PLXNA3: variants seen among roughly 807,000 people sequenced by gnomAD.
PLXNA3 encodes the protein plexin-A3.
Under a neutral mutation model 118.8 loss-of-function variants are expected in PLXNA3, and 52 were observed. The observed-to-expected ratio is 0.44, with a 90% CI of 0.35 to 0.55. The LOEUF (loss-of-function observed/expected upper bound fraction) is 0.55. PLXNA3 is among the 20% of genes least tolerant of loss of function. The pLI, the probability that PLXNA3 is intolerant of heterozygous loss-of-function variation, is 0.01. For missense variants in PLXNA3, 1,660 were observed against 1,730.8 expected (o/e 0.96, Z 0.73); for synonymous variants, 925 against 762.4 (o/e 1.21, Z -3.51).
At position 154,474,776 on chromosome X, in the gene PLXNA3, CTTTTTTTTTTTTTTTTTT is replaced by C. The variant is rs782102676; in HGVS notation, c.*2104_*2121del. Reference sequence around the variant, plus strand: ...ACAGGCGTGAGCCACCATGCCTGACCTTTTTTTTTTTTTTTTTTTTTTTTTTTTTTGGAGACGGGATCT... The same window carrying C: ...ACAGGCGTGAGCCACCATGCCTGACCTTTTTTTTTTTTGGAGACGGGATCT... On this transcript the variant is annotated 3_prime_UTR_variant, in exon 33 of 33. Coordinates refer to ENST00000369682, the MANE Select transcript of PLXNA3 (RefSeq NM_017514.5). 7.5e-5 allele frequency: 2 copies of C among 26,791 alleles called. No individual in the cohort carries two copies. Among genetic ancestry groups the C allele is most frequent in the African/African-American group, 1.2e-4 (1 of 8,546 alleles). The allele number at this position is 26,791 out of a possible 1,213,427, so 2.2% of individuals were successfully genotyped here. A position where few individuals can be genotyped will look rare whatever the true frequency, so the allele number is the denominator to read the frequency against.
chrX:154,465,314 G>A (rs1304770393), intron 11 of PLXNA3, 96 bp downstream of exon 11: 21 of 1,041,890 alleles, frequency 2.0e-5, no homozygotes, highest in Non-Finnish European at 2.4e-5. Context: ...GGAACTGTCT[G>A]AGTCTCCTGC....
rs782646753 is a variant in PLXNA3, at chrX:154,463,709, G to A, written c.1547+19G>A. Reference sequence around the variant, plus strand: ...GACACAGGTGAGGGCGGGGACCCCTGCTCGGGGAGTTGGAGGGCCCCACTG... The same window carrying A: ...GACACAGGTGAGGGCGGGGACCCCTACTCGGGGAGTTGGAGGGCCCCACTG... On this transcript the variant is annotated intron_variant, in intron 6 of 32. Coordinates refer to ENST00000369682, the MANE Select transcript of PLXNA3 (RefSeq NM_017514.5). The A allele has an allele frequency of 1.7e-6, 2 of 1,152,364 alleles. No homozygotes were observed. Among genetic ancestry groups the A allele is most frequent in the Admixed American group, 2.3e-5 (1 of 42,742 alleles). The allele number at this position is 1,152,364 out of a possible 1,213,427, so 95.0% of individuals were successfully genotyped here.
In PLXNA3 at chrX:154,464,230, A is replaced by G; in HGVS notation, c.1745A>G (p.Asn582Ser). The G allele has an allele frequency of 1.7e-6, 2 of 1,208,134 alleles. No individual in the cohort carries two copies. The highest frequency in any genetic ancestry group is 2.2e-6 in the Non-Finnish European group (2 of 894,538). Residue 582 changes from asparagine to serine, a missense_variant, in exon 8 of 33, where the codon AAC becomes AGC. Physicochemically the swap from Asn to Ser is conservative, Grantham distance 46. Around this residue, in one of 2 missense-constraint regions of PLXNA3, gnomAD observed 791 missense variants for 652.1 expected, o/e 1.21. Coordinates refer to ENST00000369682, the MANE Select transcript of PLXNA3 (RefSeq NM_017514.5). ...VSCAFEAAAE[N>S]EAVLLPSGEL... Reference sequence around the variant, plus strand: ...TGCGCCTTCGAGGCGGCGGCGGAGAACGAGGCGGTCCTGCTGCCCTCCGGT... The same window carrying G: ...TGCGCCTTCGAGGCGGCGGCGGAGAGCGAGGCGGTCCTGCTGCCCTCCGGT...
At position 154,464,180 on chromosome X, in the gene PLXNA3, G is replaced by A. The variant is rs146025967; in HGVS notation, c.1695G>A (p.Val565=). The A allele has an allele frequency of 3.5e-4, 427 of 1,208,897 alleles. No individual in the cohort carries two copies. Among genetic ancestry groups the A allele is most frequent in the Non-Finnish European group, 4.5e-4 (401 of 894,582 alleles). ...GVQLTVTLHN[V]PDLSAGVSCA... ...AGCTGACCGTCACCCTGCACAACGT[G>A]CCAGACCTCAGTGCGGGCGTGAGCT... is the stretch of plus-strand genomic sequence containing the variant. The change falls in exon 8 of 33, where the codon GTG becomes GTA. Residue 565 remains valine, a synonymous_variant. Coordinates refer to ENST00000369682, the MANE Select transcript of PLXNA3 (RefSeq NM_017514.5).
At position 154,461,609 on chromosome X, in the gene PLXNA3, C is replaced by T; in HGVS notation, c.1105C>T (p.Leu369=). The T allele has an allele frequency of 8.3e-7, 1 of 1,199,640 alleles. No individual in the cohort carries two copies. Among genetic ancestry groups the T allele is most frequent in the Non-Finnish European group, 1.1e-6 (1 of 893,015 alleles). ...GEGTLALPWL[L]NKELPCINTP... is the part of the protein sequence containing the mutation. ...GGGCACTCTGGCTCTGCCCTGGCTG[C>T]TGAACAAGGAGCTGCCCTGCATCAA... Residue 369 remains leucine, a synonymous_variant, in exon 3 of 33, where the codon CTG becomes TTG. Coordinates refer to ENST00000369682, the MANE Select transcript of PLXNA3 (RefSeq NM_017514.5).
Position 154,472,698 on chromosome X carries a change from G to C in PLXNA3, c.*13G>C, listed in dbSNP as rs200618877. The C allele has an allele frequency of 3.6e-6, 4 of 1,114,999 alleles. No individual in the cohort carries two copies. The highest frequency in any genetic ancestry group is 3.7e-6 in the Non-Finnish European group (3 of 807,416). 91.9% of individuals were successfully genotyped at this position (1,114,999 alleles called of 1,213,427 possible). On this transcript the variant is annotated 3_prime_UTR_variant, in exon 33 of 33. Coordinates refer to ENST00000369682, the MANE Select transcript of PLXNA3 (RefSeq NM_017514.5). ...CAGCGACAGCTAAGGTGGTGGAATC[G>C]GTGAGGAGGGGGCTTCTCAGTCCTG... is the stretch of plus-strand genomic sequence containing the variant.
chrX:154,469,143 G>A lies in PLXNA3; in HGVS notation c.4522G>A (p.Asp1508Asn), dbSNP rs1473011893. 1.7e-6 allele frequency: 2 copies of A among 1,210,172 alleles called. No homozygotes were observed. The highest frequency in any genetic ancestry group is 3.5e-5 in the African/African-American group (2 of 57,533). ...LNCDSITQAKDKLLDTVYKGI... is the reference protein window; with the variant it reads ...LNCDSITQAKNKLLDTVYKGI... ...CTGTGACAGCATCACCCAGGCCAAA[G>A]ATAAGCTGCTGGACACTGTGTACAA... The change falls in exon 26 of 33, where the codon GAT becomes AAT. Residue 1508 changes from aspartate to asparagine, a missense_variant. By Grantham distance (23) the Asp-to-Asn change is conservative. Around this residue, in one of 2 missense-constraint regions of PLXNA3, gnomAD observed 869 missense variants for 1,078.7 expected, o/e 0.81. Transcript: ENST00000369682.
chrX:154,469,730 T>C lies in PLXNA3; in HGVS notation c.4741T>C (p.Ser1581Pro), dbSNP rs782377471. 2.7e-5 allele frequency: 33 copies of C among 1,210,224 alleles called. No homozygotes were observed. Among genetic ancestry groups the C allele is most frequent in the South Asian group, 5.3e-5 (3 of 56,912 alleles). Residue 1581 changes from serine to proline, a missense_variant, in exon 28 of 33, where the codon TCT (serine) becomes CCT (proline). By Grantham distance (74) the Ser-to-Pro change is moderately conservative (BLOSUM62 -1). Coordinates refer to ENST00000369682, the MANE Select transcript of PLXNA3 (RefSeq NM_017514.5). ...SLVALVPKQVSAYNMANSFTF... is the reference protein window; with the variant it reads ...SLVALVPKQVPAYNMANSFTF... The stretch of plus-strand genomic sequence containing the variant: ...GGTGGCATTGGTGCCCAAACAAGTG[T>C]CTGCCTATAACATGGCCAACTCCTT...
rs2069162917 is a variant in PLXNA3, at chrX:154,470,161, C to T, written c.4980C>T (p.Ala1660=). 2.5e-6 allele frequency: 3 copies of T among 1,208,447 alleles called. No individual in the cohort carries two copies. Among genetic ancestry groups the T allele is most frequent in the Non-Finnish European group, 2.2e-6 (2 of 894,124 alleles). Residue 1660 remains alanine, a synonymous_variant, in exon 29 of 33, where the codon GCC becomes GCT. Transcript: ENST00000369682. ...VSEIYLTRLL[A]TKGTLQKFVD... Reference sequence around the variant, plus strand: ...AGATCTACCTGACACGGCTGCTGGCCACCAAGGTATGGGCCTGCCTCTCGC... The same window carrying T: ...AGATCTACCTGACACGGCTGCTGGCTACCAAGGTATGGGCCTGCCTCTCGC...
chrX:154,463,571 C>G lies in PLXNA3; in HGVS notation c.1447-19C>G, dbSNP rs1288863158. On this transcript the variant is annotated intron_variant, in intron 5 of 32. Coordinates refer to ENST00000369682, the MANE Select transcript of PLXNA3 (RefSeq NM_017514.5). ...TGGTGGGGCGGGGGTGGGCTGGGTG[C>G]TGATGTGGCTGTCCCCAGGTGAGCC... 4.2e-6 allele frequency: 5 copies of G among 1,177,646 alleles called. No homozygotes were observed. The African/African-American group carries it at 8.9e-5, about 21-fold the overall frequency.
chrX:154,465,792 A>G lies in PLXNA3; in HGVS notation c.2477A>G (p.Asn826Ser), dbSNP rs929475680. Reference sequence around the variant, plus strand: ...ACCCACTGCCCGGCCCCGAAGACCAACTGGATGCACCTGAGCCAGAAGGGC... The same window carrying G: ...ACCCACTGCCCGGCCCCGAAGACCAGCTGGATGCACCTGAGCCAGAAGGGC... ...LRTHCPAPKTNWMHLSQKGTR... is the reference protein window; with the variant it reads ...LRTHCPAPKTSWMHLSQKGTR... Residue 826 changes from asparagine to serine, a missense_variant, in exon 13 of 33, where the codon AAC becomes AGC. By Grantham distance (46) the Asn-to-Ser change is conservative. Around this residue, in one of 2 missense-constraint regions of PLXNA3, gnomAD observed 869 missense variants for 1,078.7 expected, o/e 0.81. Coordinates refer to ENST00000369682, the MANE Select transcript of PLXNA3 (RefSeq NM_017514.5). 1.1e-5 allele frequency: 13 copies of G among 1,207,250 alleles called. No individual in the cohort carries two copies. The highest frequency in any genetic ancestry group is 1.3e-5 in the Non-Finnish European group (12 of 893,923).
chrX:154,467,158 C>T lies in PLXNA3; in HGVS notation c.3201+8C>T, dbSNP rs782748486. ...GGCATTGAGACCACCAATGTGAGTA[C>T]CAGCTGCCCCGCCCCACCCCGACCC... is the stretch of plus-strand genomic sequence containing the variant. On this transcript the variant is annotated splice_region_variant and intron_variant, in intron 18 of 32. Transcript: ENST00000369682. 8.3e-7 allele frequency: 1 copy of T among 1,208,437 alleles called. No homozygotes were observed. The highest frequency in any genetic ancestry group is 1.1e-6 in the Non-Finnish European group (1 of 893,167).
chrX:154,467,307 G>T lies in PLXNA3; in HGVS notation c.3277G>T (p.Ala1093Ser). 1 of 1,208,023 alleles carries T rather than the reference G, an allele frequency of 8.3e-7. No homozygotes were observed. Among genetic ancestry groups the T allele is most frequent in the Non-Finnish European group, 1.1e-6 (1 of 895,467 alleles). The change falls in exon 19 of 33, where the codon GCG becomes TCG. Residue 1093 changes from alanine (A) to serine (S), a missense_variant. Around this residue, in one of 2 missense-constraint regions of PLXNA3, gnomAD observed 869 missense variants for 1,078.7 expected, o/e 0.81. Transcript: ENST00000369682. ...CTTTCTTGGGCGGCCCCAGCCTCGG[G>T]CGCAAGGCGAGCACCCTGATGAGTT... ...GIFLGRPQPR[A>S]QGEHPDEFGF... is the part of the protein sequence containing the mutation.
At position 154,460,580 on chromosome X, in the gene PLXNA3, G is replaced by A. The variant is rs1569554045; in HGVS notation, c.397G>A (p.Glu133Lys). 8.3e-7 allele frequency: 1 copy of A among 1,206,062 alleles called. No individual in the cohort carries two copies. The highest frequency in any genetic ancestry group is 1.7e-5 in the African/African-American group (1 of 57,879). The change falls in exon 2 of 33, where the codon GAG becomes AAG. Residue 133 changes from glutamate (E) to lysine (K), a missense_variant. Coordinates refer to ENST00000369682, the MANE Select transcript of PLXNA3 (RefSeq NM_017514.5). ...LRLDDLFKLG[E>K]PHHRKEHYLS... is the part of the protein sequence containing the mutation. The stretch of plus-strand genomic sequence containing the variant: ...TCTGGACGACCTCTTCAAGCTGGGT[G>A]AGCCGCACCACCGCAAGGAGCACTA...
rs371862659 is a variant in PLXNA3, at chrX:154,472,697, C to T, written c.*12C>T. On this transcript the variant is annotated 3_prime_UTR_variant, in exon 33 of 33. Transcript: ENST00000369682. ...CCAGCGACAGCTAAGGTGGTGGAAT[C>T]GGTGAGGAGGGGGCTTCTCAGTCCT... 42 of 1,132,425 alleles carry T rather than the reference C, an allele frequency of 3.7e-5. No individual in the cohort carries two copies. The highest frequency in any genetic ancestry group is 1.5e-4 in the Admixed American group (7 of 45,797). 93.3% of individuals were successfully genotyped at this position (1,132,425 alleles called of 1,213,427 possible). A position where few individuals can be genotyped will look rare whatever the true frequency, so the allele number is the denominator to read the frequency against.
At position 154,463,378 on chromosome X, in the gene PLXNA3, T is replaced by C; in HGVS notation, c.1318-13T>C. ...GGAGGCTGTGGTGGCATCAGGCTGG[T>C]CTTGTGGCTCAGGTGCGGGTCGATG... On this transcript the variant is annotated splice_polypyrimidine_tract_variant and intron_variant, in intron 4 of 32. Coordinates refer to ENST00000369682, the MANE Select transcript of PLXNA3 (RefSeq NM_017514.5). 1 of 1,209,929 alleles carries C rather than the reference T, an allele frequency of 8.3e-7. No homozygotes were observed. The highest frequency in any genetic ancestry group is 1.1e-6 in the Non-Finnish European group (1 of 894,976).
intron 4 of PLXNA3, among the ~76,000 whole-genome samples, chrX:154,462,649 G>C (rs911753639): frequency 8.9e-6 from 1 of 111,915 alleles, no homozygotes; most frequent in Non-Finnish European, 1.9e-5. Context: ...ATGAACAAGG[G>C]AGCAAATGCC....
chrX:154,463,558 G>T lies in PLXNA3; in HGVS notation c.1447-32G>T, dbSNP rs1557205609. 4 of 1,162,408 alleles carry T rather than the reference G, an allele frequency of 3.4e-6. No individual in the cohort carries two copies. In the East Asian group the frequency reaches 1.2e-4, roughly 36 times the overall value. ...GGGTGGCGGTGGGTGGTGGGGCGGG[G>T]GTGGGCTGGGTGCTGATGTGGCTGT... On this transcript the variant is annotated intron_variant, in intron 5 of 32. Coordinates refer to ENST00000369682, the MANE Select transcript of PLXNA3 (RefSeq NM_017514.5).
In PLXNA3 at chrX:154,460,144, C is replaced by G. The variant is rs781795046; in HGVS notation, c.-27-13C>G. 2.1e-6 allele frequency: 2 copies of G among 971,673 alleles called. No homozygotes were observed. The highest frequency in any genetic ancestry group is 2.9e-6 in the Non-Finnish European group (2 of 691,974). The allele number at this position is 971,673 out of a possible 1,213,427, so 80.1% of individuals were successfully genotyped here. A position where few individuals can be genotyped will look rare whatever the true frequency, so the allele number is the denominator to read the frequency against. On this transcript the variant is annotated splice_polypyrimidine_tract_variant and intron_variant, in intron 1 of 32. Transcript: ENST00000369682. ...CTCGAGGCCTCTGACTCCCACACACCGTCTCTCCCTAGGCCTGTCCCCAGG... is the reference window on the plus strand; with the variant it reads ...CTCGAGGCCTCTGACTCCCACACACGGTCTCTCCCTAGGCCTGTCCCCAGG...
Sources: gnomAD v4.1 joint callset for allele counts (sites outside exome capture counted in the v4.1 genomes callset) on GRCh38, gnomAD v4.1.1 for gene constraint, gnomAD v4.1.1 regional missense constraint, MANE v1.5 for transcripts, NCBI Gene and HGNC (gene_info 2026-07-23, HGNC 2026-07-21) for gene names.